The following DENND4A variants were observed in gnomAD, a reference collection of about 807,000 sequenced individuals.
DENND4A encodes C-myc promoter-binding protein.
DENND4A carries 70 observed loss-of-function variants against 199.3 expected under a neutral mutation model. The ratio of observed to expected loss-of-function variants is 0.35; its 90% confidence interval spans 0.29 to 0.43. The LOEUF is 0.43. Ranked by LOEUF, DENND4A falls within the 20% of genes least tolerant of loss-of-function variation. The probability of loss-of-function intolerance (pLI) is 1.00; values close to 1 mark genes in which losing one functional copy is unlikely to be tolerated. For synonymous variants in DENND4A, 686 were observed against 766.9 expected (o/e 0.89, Z 1.74); for missense variants, 1,723 against 2,255.8 (o/e 0.76, Z 4.78).
At chr15:65,664,100 A>G (rs2075963179) in intron 32 of DENND4A, among the ~76,000 whole-genome samples, 1 of 152,174 alleles carries the variant, frequency 6.6e-6, no homozygotes, top group South Asian at 2.1e-4. Context: ...TTGTACAACT[A>G]TCACCACTGC....
At chr15:65,789,331 C>T (rs1423502933) in intron 1 of DENND4A, among the ~76,000 whole-genome samples, 1 of 152,042 alleles carries the variant, frequency 6.6e-6, no homozygotes, top group African/African-American at 2.4e-5. Context: ...TAATAACAGG[C>T]GTGAGCCACC....
intron 16 of DENND4A, 34 bp downstream of exon 16, chr15:65,702,839 A>G (rs1007890689): frequency 8.2e-6 from 13 of 1,578,828 alleles, no homozygotes; most frequent in Non-Finnish European, 1.1e-5. Context: ...TTCTTGTTCT[A>G]AAATTTGATT....
intron 23 of DENND4A, among the ~76,000 whole-genome samples, chr15:65,679,439 T>A (rs1210032729): frequency 6.6e-6 from 1 of 152,092 alleles, no homozygotes; most frequent in South Asian, 2.1e-4. Context: ...AATATTTCAG[T>A]TAGGAATGGT....
rs1856105504 is a variant in DENND4A at position 65,691,251 on chromosome 15, T to G, written c.3343A>C (p.Ile1115Leu). The change falls in exon 23 of 33, where the codon ATC becomes CTC. Residue 1115 changes from isoleucine (I) to leucine (L), a missense_variant. Around this residue, in one of 6 missense-constraint regions of DENND4A, gnomAD observed 650 missense variants for 738.1 expected, o/e 0.88. Transcript: ENST00000443035. ...GADAKILSNVISKSTRPNTLD... is the reference protein window; with the variant it reads ...GADAKILSNVLSKSTRPNTLD... ...GTATTTGGTCTCGTGCTTTTTGAGA[T>G]AACATTTGAAAGAATTTTTGCATCA... 6.2e-7 allele frequency: 1 copy of G among 1,613,314 alleles called. No individual in the cohort carries two copies. The highest frequency in any genetic ancestry group is 1.3e-5 in the African/African-American group (1 of 75,030).
rs56866930 is a variant in DENND4A at position 65,732,642 on chromosome 15, TA to T, written c.1107+109del. The T allele has an allele frequency of 3.0e-4, 204 of 677,574 alleles. 1 individual carries two copies. In the African/African-American group the frequency reaches 3.4e-3, roughly 11 times the overall value. 42.0% of individuals were successfully genotyped at this position (677,574 alleles called of 1,614,324 possible). On this transcript the variant is annotated intron_variant, in intron 8 of 32. Transcript: ENST00000443035. ...ACAGGTAATAGTATCTGGTTCTCTC[TA>T]AATCTCATTAGGTTTTTTTCCTCAT...
intron 1 of DENND4A, among the ~76,000 whole-genome samples, chr15:65,763,816 A>T (rs1310691049): frequency 6.6e-6 from 1 of 152,152 alleles, no homozygotes; most frequent in African/African-American, 2.4e-5. Flanking sequence ...ATGTATTTTT[A>T]AAATGAGGAT....
chr15:65,772,248 T>C, intron 1 of DENND4A: 1 of 568,496 alleles, frequency 1.8e-6, no homozygotes, highest in Non-Finnish European at 3.1e-6. Flanking sequence ...TCTGATTCTC[T>C]CATTCACTCA....
At chr15:65,759,158 C>A (rs1446798226) in intron 2 of DENND4A, among the ~76,000 whole-genome samples, 1 of 152,124 alleles carries the variant, frequency 6.6e-6, no homozygotes, top group Non-Finnish European at 1.5e-5. Context: ...CTCAAATATA[C>A]TCTAAGTATT....
intron 11 of DENND4A, among the ~76,000 whole-genome samples, chr15:65,728,692 T>C (rs2075880684): frequency 6.6e-6 from 1 of 152,084 alleles, no homozygotes; most frequent in Non-Finnish European, 1.5e-5. Context: ...TTTCTCCTTG[T>C]TGGTCAGGCT....
Position 65,690,605 on chromosome 15 carries a change from G to A in DENND4A, c.3989C>T (p.Ser1330Leu), listed in dbSNP as rs767534884. Residue 1330 changes from serine to leucine, a missense_variant, in exon 23 of 33, where the codon TCA (serine) becomes TTA (leucine). Ser to Leu is a moderately radical substitution (Grantham distance 145, BLOSUM62 -2). This residue lies in a region of DENND4A where 650 missense variants were observed against 738.1 expected (regional missense o/e 0.88). Transcript: ENST00000443035. ...RDRLWSSPAF[S>L]PTCPFREESQ... is the part of the protein sequence containing the mutation. ...TTCTTCCCTAAATGGGCAAGTAGGT[G>A]AGAAGGCTGGAGAAGACCAAAGTCT... The A allele has an allele frequency of 5.0e-6, 8 of 1,613,484 alleles. No individual in the cohort carries two copies. Among genetic ancestry groups the A allele is most frequent in the Non-Finnish European group, 6.8e-6 (8 of 1,179,720 alleles).
intron 11 of DENND4A, among the ~76,000 whole-genome samples, chr15:65,724,489 G>C (rs28687977): frequency 0.2 from 30,112 of 151,146 alleles, 4,012 homozygotes; most frequent in East Asian, 0.73. Flanking sequence ...AACCACCACA[G>C]AACAACATAG....
At chr15:65,748,852 G>A (rs2076483896) in intron 4 of DENND4A, among the ~76,000 whole-genome samples, 1 of 151,420 alleles carries the variant, frequency 6.6e-6, no homozygotes, top group African/African-American at 2.4e-5. Flanking sequence ...CAGATGTGGT[G>A]GTGCACACCT....
intron 3 of DENND4A, among the ~76,000 whole-genome samples, chr15:65,753,545 G>A (rs958273332): frequency 6.6e-6 from 1 of 152,026 alleles, no homozygotes; most frequent in Non-Finnish European, 1.5e-5. Flanking sequence ...TTTTAGTAGA[G>A]ACAAAGTTTC....
intron 1 of DENND4A, among the ~76,000 whole-genome samples, chr15:65,783,202 C>T (rs971143034): frequency 2.6e-5 from 4 of 152,138 alleles, no homozygotes; most frequent in African/African-American, 9.7e-5. Context: ...TGTATATAAG[C>T]ACTGTTCTTT....
intron 1 of DENND4A, among the ~76,000 whole-genome samples, chr15:65,773,687 C>T (rs2033611): frequency 0.2 from 30,120 of 152,060 alleles, 4,010 homozygotes; most frequent in East Asian, 0.73. Flanking sequence ...TGAAAGATAA[C>T]AGTGACAAAA....
In DENND4A at chr15:65,701,778, T is replaced by C. The variant is rs1248630039; in HGVS notation, c.2543A>G (p.Tyr848Cys). ...KAGIDPNAIT[Y>C]GYYNKAVLES... ...GGTATTTACCTTATTATAATAACCA[T>C]AAGTAATGGCATTGGGGTCAATACC... Residue 848 changes from tyrosine to cysteine, a missense_variant, in exon 18 of 33, where the codon TAT becomes TGT. Tyr to Cys is a radical substitution (Grantham distance 194). This residue lies in a region of DENND4A where 36 missense variants were observed against 85.7 expected (regional missense o/e 0.42). Coordinates refer to ENST00000443035, the MANE Select transcript of DENND4A (RefSeq NM_001320835.1). The C allele has an allele frequency of 1.2e-6, 2 of 1,613,484 alleles. No individual in the cohort carries two copies. Among genetic ancestry groups the C allele is most frequent in the African/African-American group, 2.7e-5 (2 of 74,894 alleles).
intron 20 of DENND4A, among the ~76,000 whole-genome samples, chr15:65,698,377 A>G (rs914028338): frequency 7.2e-5 from 11 of 152,340 alleles, no homozygotes; most frequent in Admixed American, 4.6e-4. Context: ...TTAGTCACAA[A>G]AGATAAAGTT....
chr15:65,740,236 A>G (rs2076221152), intron 5 of DENND4A, among the ~76,000 whole-genome samples: 1 of 151,490 alleles, frequency 6.6e-6, no homozygotes, highest in African/African-American at 2.4e-5. Flanking sequence ...TCTTGAGGAT[A>G]TCCACAAATT....
At chr15:65,711,227 G>A (rs1241295170) in intron 14 of DENND4A, among the ~76,000 whole-genome samples, 3 of 152,080 alleles carry the variant, frequency 2.0e-5, no homozygotes, top group African/African-American at 4.8e-5. Flanking sequence ...TTTTCACCAC[G>A]AGCAGGGGCC....
Sources: gnomAD v4.1 joint callset for allele counts (sites outside exome capture counted in the v4.1 genomes callset) on GRCh38, gnomAD v4.1.1 for gene constraint, gnomAD v4.1.1 regional missense constraint, MANE v1.5 for transcripts, NCBI Gene and HGNC (gene_info 2026-07-23, HGNC 2026-07-21) for gene names.